Variants in DCT observed in about 807,000 individuals in gnomAD.
DCT encodes the protein L-dopachrome tautomerase.
Under a neutral mutation model 53.0 loss-of-function variants are expected in DCT, and 47 were observed. The ratio of observed to expected loss-of-function variants is 0.89; its 90% CI spans 0.70 to 1.13. The LOEUF is 1.13. Ranked by LOEUF, DCT falls within the 50% of genes most tolerant of loss-of-function variation. The pLI, the probability that DCT is intolerant of heterozygous loss-of-function variation, is 0.00. For synonymous variants in DCT, 244 were observed against 237.0 expected, an observed-to-expected ratio of 1.03 and a Z score of -0.27; for missense variants, 669 against 637.4, an observed-to-expected ratio of 1.05 and a Z score of -0.53.
chr13:94,499,470 G>GTC, the DCT span, among the ~76,000 whole-genome samples: 1 of 151,848 alleles, frequency 6.6e-6, no homozygotes, highest in Non-Finnish European at 1.5e-5. Flanking sequence ...GAGTGAGTGT[G>GTC]TGTGTGTGTG....
chr13:94,471,035 C>G (rs1442480709), intron 1 of DCT, among the ~76,000 whole-genome samples: 1 of 152,044 alleles, frequency 6.6e-6, no homozygotes, highest in African/African-American at 2.4e-5. Flanking sequence ...AAAAAGCAGC[C>G]CCTATAAATA....
At chr13:94,454,201 C>G (rs536462242) in intron 6 of DCT, among the ~76,000 whole-genome samples, 8 of 152,178 alleles carry the variant, frequency 5.3e-5, no homozygotes, top group African/African-American at 1.9e-4. Context: ...TGTCAACGTA[C>G]AAGGTAGAAA....
chr13:94,504,788 A>G, the DCT span, among the ~76,000 whole-genome samples: 4 of 152,226 alleles, frequency 2.6e-5, no homozygotes, highest in East Asian at 1.9e-4. Context: ...AGGATTTCCA[A>G]TACAACATTT....
the DCT span, among the ~76,000 whole-genome samples, chr13:94,512,275 T>C: frequency 6.6e-6 from 1 of 152,156 alleles, no homozygotes; most frequent in African/African-American, 2.4e-5. Flanking sequence ...TAGAAGTATA[T>C]TGAGATAATA....
At chr13:94,458,962 G>A (rs908105385) in intron 6 of DCT, among the ~76,000 whole-genome samples, 1 of 151,866 alleles carries the variant, frequency 6.6e-6, no homozygotes, top group Non-Finnish European at 1.5e-5. Flanking sequence ...CTGCAGCCTC[G>A]ACCTCCCAGG....
At chr13:94,506,058 A>G in the DCT span, among the ~76,000 whole-genome samples, 1 of 152,340 alleles carries the variant, frequency 6.6e-6, no homozygotes, top group African/African-American at 2.4e-5. Flanking sequence ...TAATACATGT[A>G]TTTTAAGCTG....
intron 5 of DCT, 101 bp from the exon 6 acceptor site, chr13:94,460,327 G>A: frequency 9.1e-7 from 1 of 1,101,076 alleles, no homozygotes; most frequent in East Asian, 2.5e-5. Flanking sequence ...TTGAGATTGG[G>A]TAGGGATATG....
chr13:94,518,261 A>G, the DCT span, among the ~76,000 whole-genome samples: 1 of 152,188 alleles, frequency 6.6e-6, no homozygotes, highest in African/African-American at 2.4e-5. Context: ...ACAACCAGGC[A>G]GATTGATACC....
chr13:94,505,998 G>C, the DCT span, among the ~76,000 whole-genome samples: 1 of 152,198 alleles, frequency 6.6e-6, no homozygotes. Context: ...TGCTGGAGTT[G>C]AGAACCAGCT....
At chr13:94,490,898 C>T in the DCT span, among the ~76,000 whole-genome samples, 8 of 152,068 alleles carry the variant, frequency 5.3e-5, no homozygotes, top group African/African-American at 7.2e-5. Flanking sequence ...ATCACAAGAT[C>T]TATTGAATTC....
chr13:94,488,288 AC>A, the DCT span, among the ~76,000 whole-genome samples: 1 of 152,182 alleles, frequency 6.6e-6, no homozygotes, highest in African/African-American at 2.4e-5. Flanking sequence ...TCCAGAAAAT[AC>A]CACCTATACA....
chr13:94,493,893 G>A, the DCT span, among the ~76,000 whole-genome samples: 3 of 152,132 alleles, frequency 2.0e-5, no homozygotes, highest in Non-Finnish European at 4.4e-5. Context: ...GTAAACTATG[G>A]GCCCAAGTTA....
intron 1 of DCT, among the ~76,000 whole-genome samples, chr13:94,469,904 G>A (rs1485582961): frequency 2.0e-5 from 3 of 152,000 alleles, no homozygotes; most frequent in African/African-American, 4.8e-5. Flanking sequence ...GTGAAACCTC[G>A]TCTCTACTAA....
At chr13:94,455,244 T>G (rs996055286) in intron 6 of DCT, among the ~76,000 whole-genome samples, 4 of 151,992 alleles carry the variant, frequency 2.6e-5, no homozygotes, top group African/African-American at 7.2e-5. Context: ...AAGCTGAGCA[T>G]GGTGGTATGT....
chr13:94,481,177 A>T (rs558440488), upstream of DCT, among the ~76,000 whole-genome samples: 41 of 152,302 alleles, frequency 2.7e-4, no homozygotes, highest in African/African-American at 9.1e-4. Flanking sequence ...CACTTATTGG[A>T]TGTAGAGCCC....
the DCT span, among the ~76,000 whole-genome samples, chr13:94,487,738 C>T: frequency 3.9e-5 from 6 of 152,280 alleles, no homozygotes; most frequent in Non-Finnish European, 1.5e-5. Flanking sequence ...GCTCACCTTC[C>T]CTGTCTGATG....
upstream of DCT, among the ~76,000 whole-genome samples, chr13:94,480,351 C>T (rs925873639): frequency 7.9e-5 from 12 of 152,284 alleles, no homozygotes; most frequent in Middle Eastern, 3.4e-3. Flanking sequence ...AGCAATGCCT[C>T]CTGGTGCTTC....
intron 6 of DCT, among the ~76,000 whole-genome samples, chr13:94,447,515 G>A (rs1228312871): frequency 6.6e-6 from 1 of 152,198 alleles, no homozygotes; most frequent in Non-Finnish European, 1.5e-5. Context: ...ACCAGCATGG[G>A]CCCATGGCCC....
chr13:94,472,521 C>T (rs12862409), intron 1 of DCT, among the ~76,000 whole-genome samples: 2,097 of 24,738 alleles, frequency 0.085, 207 homozygotes, highest in Non-Finnish European at 0.099. Flanking sequence ...TACATACATA[C>T]ATATATATAT....
Sources: gnomAD v4.1 joint callset for allele counts (sites outside exome capture counted in the v4.1 genomes callset) on GRCh38, gnomAD v4.1.1 for gene constraint, MANE v1.5 for transcripts, NCBI Gene and HGNC (gene_info 2026-07-23, HGNC 2026-07-21) for gene names.